Variants in PCDHA3 observed in about 807,000 individuals in gnomAD.
The protein encoded by PCDHA3 is protocadherin alpha-3.
PCDHA3 carries 41 observed loss-of-function variants against 62.2 expected under a neutral mutation model. That is an observed-to-expected ratio of 0.66 (90% CI 0.51 to 0.86). The LOEUF (loss-of-function observed/expected upper bound fraction) is 0.86, where lower values mean the gene tolerates loss of function less well. Among genes scored for constraint, PCDHA3 ranks in the 40% least tolerant of loss-of-function variants. PCDHA3 has a pLI of 0.00. For missense variants in PCDHA3, 1,304 were observed against 1,241.2 expected, an observed-to-expected ratio of 1.05 and a Z score of -0.76; for synonymous variants, 640 against 555.4, an observed-to-expected ratio of 1.15 and a Z score of -2.14.
intron 1 of PCDHA3, among the ~76,000 whole-genome samples, chr5:140,846,781 T>C (rs1259185790): frequency 3.3e-5 from 5 of 149,452 alleles, no homozygotes; most frequent in African/African-American, 4.9e-5. Context: ...TCAGGAATTA[T>C]TACTGAGCCC....
chr5:140,953,602 CCA>C (rs1246265860), intron 1 of PCDHA3, among the ~76,000 whole-genome samples: 3 of 152,040 alleles, frequency 2.0e-5, no homozygotes, highest in Admixed American at 6.6e-5. Context: ...TGTTTATTCC[CCA>C]GAGTCCTTAG....
chr5:140,825,779 T>C (rs1474440302), intron 1 of PCDHA3: 1 of 152,494 alleles, frequency 6.6e-6, no homozygotes, highest in Non-Finnish European at 1.5e-5. Context: ...CAAATTCTAC[T>C]ATATTTTGGT....
At chr5:140,823,459 C>T in intron 1 of PCDHA3, 1 of 1,613,438 alleles carries the variant, frequency 6.2e-7, no homozygotes. Flanking sequence ...CGACAACGCG[C>T]CGGCGCTGCT....
intron 1 of PCDHA3, chr5:140,848,677 C>T: frequency 6.3e-7 from 1 of 1,592,256 alleles, no homozygotes; most frequent in Non-Finnish European, 8.6e-7. Context: ...GAGCTGGTGC[C>T]GCGCCTGTTC....
intron 1 of PCDHA3, among the ~76,000 whole-genome samples, chr5:140,820,375 T>C (rs1766742751): frequency 1.3e-5 from 2 of 152,006 alleles, no homozygotes; most frequent in South Asian, 2.1e-4. Context: ...CATTTTCTGG[T>C]AATTTCTTTT....
intron 1 of PCDHA3, among the ~76,000 whole-genome samples, chr5:140,896,062 C>T (rs781234487): frequency 1.1e-4 from 17 of 152,104 alleles, no homozygotes; most frequent in South Asian, 4.2e-4. Flanking sequence ...CCGCCTGCCT[C>T]GGCCTCCCAA....
intron 1 of PCDHA3, chr5:140,828,028 A>G (rs2150150265): frequency 1.0e-4 from 158 of 1,520,712 alleles, no homozygotes; most frequent in Non-Finnish European, 4.4e-6. Flanking sequence ...AAATTCCGGA[A>G]CATACAGTAT....
At position 140,850,786 on chromosome 5, in the gene PCDHA3, A is replaced by C. The variant is rs2150498536; in HGVS notation, c.2394+47195A>C. 0.62 allele frequency: 994,890 copies of C among 1,596,700 alleles called. 342,727 individuals are homozygous for C. The highest frequency in any genetic ancestry group is 0.72 in the African/African-American group (53,217 of 73,966). The stretch of plus-strand genomic sequence containing the variant: ...CAGAGGGTGTGCTCTGGCGAGGGTA[A>C]GCAGAAGACCGACCTCATGGCCTTC... On this transcript the variant is annotated intron_variant, in intron 1 of 3. Transcript: ENST00000522353.
At chr5:140,988,556 C>G (rs574182013) in intron 3 of PCDHA3, among the ~76,000 whole-genome samples, 2 of 152,158 alleles carry the variant, frequency 1.3e-5, no homozygotes, top group Non-Finnish European at 2.9e-5. Flanking sequence ...TCTTCATCTT[C>G]TTCTTGGGAA....
chr5:140,876,499 G>C, intron 1 of PCDHA3: 1 of 1,614,028 alleles, frequency 6.2e-7, no homozygotes, highest in South Asian at 1.1e-5. Flanking sequence ...AGTTCTGGAC[G>C]TGAATGACAA....
At position 140,963,092 on chromosome 5, in the gene PCDHA3, C is replaced by T. The variant is rs1202521389; in HGVS notation, c.2395-15857C>T. Among the ~76,000 whole-genome samples, 3 of 151,976 alleles carry T rather than the reference C, an allele frequency of 2.0e-5. No homozygotes were observed. The South Asian group carries it at 6.2e-4, about 32-fold the overall frequency. On this transcript the variant is annotated intron_variant, in intron 1 of 3. Transcript: ENST00000522353. Reference sequence around the variant, plus strand: ...GGAGACAGAAATATAAGACATGGCTCCTGCTTTCAGGTTGCTTATAATTAA... The same window carrying T: ...GGAGACAGAAATATAAGACATGGCTTCTGCTTTCAGGTTGCTTATAATTAA...
intron 1 of PCDHA3, chr5:140,809,508 C>G (rs782554104): frequency 1.9e-6 from 3 of 1,614,204 alleles, no homozygotes; most frequent in East Asian, 2.2e-5. Flanking sequence ...GCCTTCAGCC[C>G]CAGTTTACCT....
In PCDHA3 at chr5:140,843,394, G is replaced by T. The variant is rs2150359132; in HGVS notation, c.2394+39803G>T. ...CGGCTGGCGTTTTGGGTCCGGAAGC[G>T]GCGCTGGTGGATGTCAACGTGTACC... is the stretch of plus-strand genomic sequence containing the variant. On this transcript the variant is annotated intron_variant, in intron 1 of 3. Transcript: ENST00000522353. 3 of 1,596,026 alleles carry T rather than the reference G, an allele frequency of 1.9e-6. No individual in the cohort carries two copies. The East Asian group carries it at 6.7e-5, about 36-fold the overall frequency.
At chr5:140,823,390 G>A (rs371642015) in intron 1 of PCDHA3, 1 of 1,612,906 alleles carries the variant, frequency 6.2e-7, no homozygotes, top group Non-Finnish European at 8.5e-7. Context: ...CGCGCGCGAC[G>A]CGGGCGTGCC....
At chr5:140,864,008 A>G (rs1481887604) in intron 1 of PCDHA3, 3 of 153,088 alleles carry the variant, frequency 2.0e-5, no homozygotes, top group African/African-American at 7.2e-5. Flanking sequence ...CTTAAAAAAA[A>G]AAGTACATTG....
chr5:140,998,433 C>CTA (rs2097813622), intron 3 of PCDHA3, among the ~76,000 whole-genome samples: 2 of 152,160 alleles, frequency 1.3e-5, no homozygotes, highest in Admixed American at 1.3e-4. Flanking sequence ...TCCTTTAACA[C>CTA]TATTATTGTA....
chr5:140,925,585 A>T (rs1450626568), intron 1 of PCDHA3, among the ~76,000 whole-genome samples: 1 of 151,748 alleles, frequency 6.6e-6, no homozygotes, highest in Non-Finnish European at 1.5e-5. Flanking sequence ...AACATGGCGC[A>T]TGTATACATA....
chr5:140,809,476 C>A (rs781791208), intron 1 of PCDHA3: 2 of 1,614,220 alleles, frequency 1.2e-6, no homozygotes, highest in Non-Finnish European at 1.7e-6. Flanking sequence ...CTGGTGAGGG[C>A]CCACCCAAGA....
Position 140,801,616 on chromosome 5 carries a change from T to A in PCDHA3, c.419T>A (p.Leu140Gln), listed in dbSNP as rs781989124. 6.2e-7 allele frequency: 1 copy of A among 1,614,082 alleles called. No homozygotes were observed. The highest frequency in any genetic ancestry group is 1.7e-5 in the Admixed American group (1 of 60,022). Residue 140 changes from leucine to glutamine, a missense_variant, in exon 1 of 4, where the codon CTG (leucine) becomes CAG (glutamine). Coordinates refer to ENST00000522353, the MANE Select transcript of PCDHA3 (RefSeq NM_018906.3). ...GTTTTTCCAATGGCTGTAAAGAATC[T>A]GTTTATTTCCGAATCCCGACAGCCT... is the stretch of plus-strand genomic sequence containing the variant. ...APVFPMAVKN[L>Q]FISESRQPGS...
Sources: allele counts gnomAD v4.1 joint callset (sites outside exome capture counted in the v4.1 genomes callset), GRCh38; gene constraint gnomAD v4.1.1; transcripts MANE v1.5; gene names NCBI Gene and HGNC (gene_info 2026-07-23, HGNC 2026-07-21).